The following SP140 variants were observed in gnomAD, a reference collection of about 807,000 sequenced individuals.
The protein encoded by SP140 is nuclear body protein SP140.
Under a neutral mutation model 125.0 loss-of-function variants are expected in SP140, and 81 were observed. The ratio of observed to expected loss-of-function variants is 0.65; its 90% CI spans 0.54 to 0.78. The LOEUF is 0.78. SP140 is among the 30% of genes least tolerant of loss of function. The pLI, the probability that SP140 is intolerant of heterozygous loss-of-function variation, is 0.00. For synonymous variants in SP140, 312 were observed against 354.0 expected (o/e 0.88, Z 1.33); for missense variants, 858 against 1,037.0 (o/e 0.83, Z 2.37).
At chr2:230,274,914 A>G (rs2054491641) in intron 15 of SP140, among the ~76,000 whole-genome samples, 1 of 152,200 alleles carries the variant, frequency 6.6e-6, no homozygotes, top group Admixed American at 6.5e-5. Context: ...TTAAATCAAT[A>G]TAACATGCAC....
intron 15 of SP140, among the ~76,000 whole-genome samples, chr2:230,271,420 T>C (rs2053906199): frequency 6.6e-6 from 1 of 152,098 alleles, no homozygotes; most frequent in African/African-American, 2.4e-5. Context: ...GTGAAGAACA[T>C]GGGAGAGAAA....
chr2:230,286,876 C>G (rs1428730024), intron 17 of SP140, among the ~76,000 whole-genome samples: 2 of 152,098 alleles, frequency 1.3e-5, no homozygotes, highest in Non-Finnish European at 2.9e-5. Flanking sequence ...CTAATATGCT[C>G]ATGATATGCT....
At chr2:230,296,311 TAGAC>T (rs2057725499) in intron 21 of SP140, among the ~76,000 whole-genome samples, 1 of 152,172 alleles carries the variant, frequency 6.6e-6, no homozygotes, top group Non-Finnish European at 1.5e-5. Context: ...TGGGAGATTC[TAGAC>T]CAGTTGGAGA....
intron 22 of SP140, among the ~76,000 whole-genome samples, chr2:230,303,287 C>T (rs1472949847): frequency 6.6e-6 from 1 of 152,220 alleles, no homozygotes; most frequent in East Asian, 1.9e-4. Flanking sequence ...CACCTTTATG[C>T]ACACAAACTA....
intron 1 of SP140, among the ~76,000 whole-genome samples, chr2:230,208,944 G>A (rs2044170991): frequency 6.6e-6 from 1 of 152,186 alleles, no homozygotes; most frequent in African/African-American, 2.4e-5. Flanking sequence ...AAGCTGGGAA[G>A]CAAAGAAAAG....
intron 26 of SP140, among the ~76,000 whole-genome samples, chr2:230,311,878 C>A (rs912682457): frequency 1.3e-5 from 2 of 152,210 alleles, no homozygotes. Flanking sequence ...CTGCCTGCTG[C>A]AGCATATAAA....
At chr2:230,302,254 C>T (rs1325070871) in intron 22 of SP140, among the ~76,000 whole-genome samples, 7 of 151,668 alleles carry the variant, frequency 4.6e-5, no homozygotes, top group Admixed American at 3.3e-4. Context: ...ATTAGCTGGG[C>T]GTGGTGGCAG....
At chr2:230,192,163 C>A in the SP140 span, among the ~76,000 whole-genome samples, 2 of 152,242 alleles carry the variant, frequency 1.3e-5, no homozygotes, top group South Asian at 4.1e-4. Context: ...TTATGACAAA[C>A]CCACAGCCAA....
chr2:230,217,211 A>G (rs1236026989), intron 3 of SP140, among the ~76,000 whole-genome samples: 3 of 139,234 alleles, frequency 2.2e-5, no homozygotes, highest in African/African-American at 8.2e-5. Flanking sequence ...GTGCCACTGC[A>G]CTCCAGCCTG....
At chr2:230,297,772 G>T (rs756827118) in intron 22 of SP140, among the ~76,000 whole-genome samples, 4 of 152,232 alleles carry the variant, frequency 2.6e-5, no homozygotes, top group Non-Finnish European at 5.9e-5. Flanking sequence ...GTGGTAATGG[G>T]TAGGGCTGGC....
intron 3 of SP140, chr2:230,216,953 A>C (rs1313213611): frequency 6.2e-7 from 1 of 1,609,384 alleles, no homozygotes; most frequent in Non-Finnish European, 8.5e-7. Context: ...ATGATAAAAA[A>C]TAGAAGCAAA....
Position 230,238,280 on chromosome 2 carries a change from T to C in SP140, c.305T>C (p.Leu102Pro), listed in dbSNP as rs2048257205. ...TRVMYCVLSE[L>P]EKTFGWSHLE... ...GTGATGTATTGTGTACTCAGTGAACTGGAGAAGACATTTGGCTGGTCACAT... is the reference window on the plus strand; with the variant it reads ...GTGATGTATTGTGTACTCAGTGAACCGGAGAAGACATTTGGCTGGTCACAT... Residue 102 changes from leucine (L) to proline (P), a missense_variant, in exon 3 of 27, where the codon CTG (leucine) becomes CCG (proline). This residue lies in a region of SP140 where 791 missense variants were observed against 869.5 expected (regional missense o/e 0.91). Coordinates refer to ENST00000392045, the MANE Select transcript of SP140 (RefSeq NM_007237.5). 1 of 1,613,630 alleles carries C rather than the reference T, an allele frequency of 6.2e-7. No homozygotes were observed. Among genetic ancestry groups the C allele is most frequent in the African/African-American group, 1.3e-5 (1 of 74,942 alleles).
intron 22 of SP140, among the ~76,000 whole-genome samples, chr2:230,300,154 A>G (rs2058154823): frequency 2.0e-5 from 3 of 152,234 alleles, no homozygotes; most frequent in Admixed American, 6.5e-5. Flanking sequence ...CTTGCAGCTG[A>G]TGGTCTCTTG....
At chr2:230,304,922 A>G (rs2058615399) in intron 22 of SP140, among the ~76,000 whole-genome samples, 1 of 152,260 alleles carries the variant, frequency 6.6e-6, no homozygotes, top group South Asian at 2.1e-4. Flanking sequence ...ATTTAATTAA[A>G]CTAAAAGGCT....
chr2:230,307,984 T>TAC (rs2058953886), intron 22 of SP140, among the ~76,000 whole-genome samples: 1 of 89,056 alleles, frequency 1.1e-5, no homozygotes, highest in Non-Finnish European at 2.3e-5. Context: ...TATATATATA[T>TAC]ATATATACAC....
chr2:230,312,133 A>G (rs2059379247), intron 26 of SP140, among the ~76,000 whole-genome samples: 1 of 152,234 alleles, frequency 6.6e-6, no homozygotes, highest in African/African-American at 2.4e-5. Flanking sequence ...AAAGGCAAAG[A>G]AGTAATAATC....
At chr2:230,304,503 A>G (rs2058578553) in intron 22 of SP140, among the ~76,000 whole-genome samples, 1 of 152,210 alleles carries the variant, frequency 6.6e-6, no homozygotes, top group Admixed American at 6.5e-5. Flanking sequence ...ACTTCAAACT[A>G]TACTACAAGG....
At chr2:230,229,813 C>G (rs2046991819) in intron 1 of SP140, among the ~76,000 whole-genome samples, 2 of 151,904 alleles carry the variant, frequency 1.3e-5, no homozygotes, top group Admixed American at 1.3e-4. Flanking sequence ...GATATGGAAG[C>G]CTACATAGGC....
chr2:230,219,912 G>C, intron 3 of SP140: 1 of 985,456 alleles, frequency 1.0e-6, no homozygotes. Context: ...CTTTCCAGGG[G>C]CTGGGACAGG....
Sources: allele counts gnomAD v4.1 joint callset (sites outside exome capture counted in the v4.1 genomes callset), GRCh38; gene constraint gnomAD v4.1.1; regional missense constraint gnomAD v4.1.1; transcripts MANE v1.5; gene names NCBI Gene and HGNC (gene_info 2026-07-23, HGNC 2026-07-21).